CAST: variants seen among roughly 807,000 people sequenced by gnomAD.
CAST encodes the protein calpastatin.
In CAST, 76 loss-of-function variants were observed where a neutral mutation model predicts 119.6. That is an observed-to-expected ratio of 0.64 (90% CI 0.53 to 0.77). The LOEUF is 0.77. Ranked by LOEUF, CAST falls within the 30% of genes least tolerant of loss-of-function variation. The pLI is 0.00. For missense variants in CAST, 953 were observed against 946.5 expected (o/e 1.01, Z -0.09); for synonymous variants, 319 against 331.6 (o/e 0.96, Z 0.41).
the CAST span, among the ~76,000 whole-genome samples, chr5:96,006,745 G>A: frequency 2.6e-5 from 4 of 152,314 alleles, no homozygotes; most frequent in African/African-American, 4.8e-5. Context: ...AAACCACGGC[G>A]AATGTACAGT....
At chr5:96,238,992 CA>C in the CAST span, among the ~76,000 whole-genome samples, 1 of 152,016 alleles carries the variant, frequency 6.6e-6, no homozygotes, top group African/African-American at 2.4e-5. Context: ...TAAATTTTTC[CA>C]AACTTCCTTT....
At chr5:96,592,904 A>G (rs1035303257) in intron 1 of CAST, among the ~76,000 whole-genome samples, 1 of 151,902 alleles carries the variant, frequency 6.6e-6, no homozygotes, top group African/African-American at 2.4e-5. Flanking sequence ...AGCTGGGACT[A>G]CAGGCGCCTG....
At chr5:96,481,109 G>GT in the CAST span, among the ~76,000 whole-genome samples, 1,180 of 145,938 alleles carry the variant, frequency 8.1e-3, 8 homozygotes, top group Non-Finnish European at 9.7e-3. Context: ...CTCAATCAAA[G>GT]TTTTTTTTTT....
intron 1 of CAST, among the ~76,000 whole-genome samples, chr5:96,667,931 C>T (rs1258166504): frequency 6.6e-6 from 1 of 152,160 alleles, no homozygotes; most frequent in East Asian, 1.9e-4. Context: ...AGGAGAATGG[C>T]GTGAACCCGC....
At chr5:96,180,486 C>G in the CAST span, among the ~76,000 whole-genome samples, 1 of 152,146 alleles carries the variant, frequency 6.6e-6, no homozygotes, top group Non-Finnish European at 1.5e-5. Flanking sequence ...AGCTGAGAAC[C>G]AAATGGTCCT....
At chr5:96,643,787 C>T (rs919987406) in intron 1 of CAST, among the ~76,000 whole-genome samples, 15 of 152,098 alleles carry the variant, frequency 9.9e-5, no homozygotes, top group South Asian at 2.1e-4. Context: ...GCAGGAGAAT[C>T]GCTTGAACCT....
chr5:96,261,207 G>A, the CAST span, among the ~76,000 whole-genome samples: 1 of 152,220 alleles, frequency 6.6e-6, no homozygotes, highest in Non-Finnish European at 1.5e-5. Context: ...TTGCCCATGA[G>A]AATTTCCTAC....
chr5:96,549,138 G>A (rs952260224), intron 1 of CAST, among the ~76,000 whole-genome samples: 1 of 152,174 alleles, frequency 6.6e-6, no homozygotes, highest in Non-Finnish European at 1.5e-5. Context: ...TAGAGTGAGA[G>A]CTACAAAGCA....
chr5:96,433,074 A>G, the CAST span: 1 of 1,606,372 alleles, frequency 6.2e-7, no homozygotes, highest in Non-Finnish European at 8.5e-7. Flanking sequence ...AAGAGTGGGA[A>G]GGGAAGAGGA....
chr5:96,546,416 G>A (rs1484626840), intron 1 of CAST: 1 of 152,028 alleles, frequency 6.6e-6, no homozygotes. Context: ...CTTATAGCTA[G>A]GTGTGTCAGA....
At chr5:96,478,292 T>C in the CAST span, among the ~76,000 whole-genome samples, 2 of 152,236 alleles carry the variant, frequency 1.3e-5, no homozygotes, top group African/African-American at 2.4e-5. Flanking sequence ...AAAAAACTTA[T>C]AGGATTAAAA....
Position 96,773,603 on chromosome 5 carries a change from A to G in CAST, c.*987A>G, listed in dbSNP as rs753171767. The G allele has an allele frequency of 3.3e-5, 5 of 151,750 alleles. No individual in the cohort carries two copies. Among genetic ancestry groups the G allele is most frequent in the African/African-American group, 9.7e-5 (4 of 41,388 alleles). 9.4% of individuals were successfully genotyped at this position (151,750 alleles called of 1,614,324 possible). A position where few individuals can be genotyped will look rare whatever the true frequency, so the allele number is the denominator to read the frequency against. ...AGAAACTTCTGCTTTTAAAAAAATT[A>G]TATATATATATTAAATTTGAAACCT... On this transcript the variant is annotated 3_prime_UTR_variant, in exon 32 of 32. Coordinates refer to ENST00000675179, the MANE Select transcript of CAST (RefSeq NM_001750.7).
chr5:96,633,550 C>A lies in CAST; in HGVS notation c.61-41989C>A, dbSNP rs556041735. On this transcript the variant is annotated intron_variant, in intron 1 of 11. Coordinates refer to the CAST transcript ENST00000505143. ...AGGTAAAACCCCCTGACCTTTAGTT[C>A]CCCTAAGTGAGAATTGACAACTCCA... is the stretch of plus-strand genomic sequence containing the variant. Among the ~76,000 whole-genome samples, 6 of 152,268 alleles carry A rather than the reference C, an allele frequency of 3.9e-5. No homozygotes were observed. The South Asian group carries it at 1.2e-3, about 32-fold the overall frequency.
At chr5:96,503,340 T>C in the CAST span, among the ~76,000 whole-genome samples, 1 of 152,160 alleles carries the variant, frequency 6.6e-6, no homozygotes, top group Admixed American at 6.5e-5. Flanking sequence ...AAGGTGAAGG[T>C]GAAAGGGGGT....
chr5:96,550,117 G>C (rs981800769), intron 1 of CAST, among the ~76,000 whole-genome samples: 1 of 152,212 alleles, frequency 6.6e-6, no homozygotes, highest in African/African-American at 2.4e-5. Flanking sequence ...GTGGGTCCCT[G>C]ACCCCCGTGT....
At chr5:96,657,981 C>T (rs1332160218), upstream of CAST, among the ~76,000 whole-genome samples, 1 of 152,088 alleles carries the variant, frequency 6.6e-6, no homozygotes, top group Admixed American at 6.6e-5. Flanking sequence ...CCTGTAATCC[C>T]AGCTACTCAG....
At chr5:96,425,827 C>A in the CAST span, 4 of 1,564,472 alleles carry the variant, frequency 2.6e-6, no homozygotes, top group Admixed American at 1.7e-5. Flanking sequence ...TACCAAGTAC[C>A]ATTGCTGATT....
At chr5:95,972,288 A>C in the CAST span, among the ~76,000 whole-genome samples, 1 of 152,094 alleles carries the variant, frequency 6.6e-6, no homozygotes, top group Non-Finnish European at 1.5e-5. Flanking sequence ...ATGTATAGTA[A>C]GTGTATATTT....
intron 1 of CAST, among the ~76,000 whole-genome samples, chr5:96,557,812 C>A (rs989962949): frequency 6.6e-6 from 1 of 152,152 alleles, no homozygotes; most frequent in Non-Finnish European, 1.5e-5. Flanking sequence ...AGAAAGTTAA[C>A]AAGGATATCC....
Sources: allele counts gnomAD v4.1 joint callset (sites outside exome capture counted in the v4.1 genomes callset), GRCh38; gene constraint gnomAD v4.1.1; transcripts MANE v1.5; gene names NCBI Gene and HGNC (gene_info 2026-07-23, HGNC 2026-07-21).